The following PHGDH variants were observed in gnomAD, a reference collection of about 807,000 sequenced individuals.
PHGDH encodes the protein phosphoglycerate dehydrogenase, also known as D-3-phosphoglycerate dehydrogenase.
In PHGDH, 50 loss-of-function variants were observed where a neutral mutation model predicts 52.6. The observed-to-expected ratio is 0.95, with a 90% CI of 0.76 to 1.20. The LOEUF is 1.20. PHGDH is among the 50% of genes most tolerant of loss of function. The pLI is 0.00. For synonymous variants in PHGDH, 271 were observed against 280.5 expected (o/e 0.97, Z 0.34); for missense variants, 630 against 684.6 (o/e 0.92, Z 0.89).
chr1:119,741,244 C>T (rs1295906657), intron 9 of PHGDH, among the ~76,000 whole-genome samples: 2 of 152,128 alleles, frequency 1.3e-5, no homozygotes, highest in Non-Finnish European at 2.9e-5. Context: ...GCAGAGATTG[C>T]AGGGAGAGGG....
intron 5 of PHGDH, chr1:119,734,255 C>T: frequency 8.6e-6 from 3 of 347,728 alleles, no homozygotes; most frequent in South Asian, 7.0e-5. Context: ...TCCACCTTGT[C>T]CAGACCTATA....
At chr1:119,722,564 C>T (rs1387519341) in intron 2 of PHGDH, among the ~76,000 whole-genome samples, 1 of 151,872 alleles carries the variant, frequency 6.6e-6, no homozygotes, top group Admixed American at 6.6e-5. Flanking sequence ...GAAGAGTAGT[C>T]AGACAGGTGG....
intron 2 of PHGDH, among the ~76,000 whole-genome samples, chr1:119,722,134 A>G (rs1651196535): frequency 6.6e-6 from 1 of 152,224 alleles, no homozygotes; most frequent in African/African-American, 2.4e-5. Flanking sequence ...CAGAAATGTT[A>G]AACGATAACC....
At chr1:119,712,808 T>C (rs587670719) in intron 1 of PHGDH, among the ~76,000 whole-genome samples, 53 of 152,290 alleles carry the variant, frequency 3.5e-4, no homozygotes, top group African/African-American at 1.3e-3. Context: ...GATGCAAGAC[T>C]GCTCCGTGCT....
At chr1:119,742,254 C>T (rs964935305) in intron 10 of PHGDH, 5 of 383,044 alleles carry the variant, frequency 1.3e-5, no homozygotes, top group East Asian at 6.3e-5. Context: ...CCGTAGCACC[C>T]GGGTTCTTGA....
intron 1 of PHGDH, 49 bp downstream of exon 1, chr1:119,712,209 A>G: frequency 6.3e-7 from 1 of 1,579,232 alleles, no homozygotes; most frequent in South Asian, 1.1e-5. Context: ...CCTCCATGGA[A>G]AAAGGCTGGC....
Position 119,740,455 on chromosome 1 carries a change from C to A in PHGDH, c.1015C>A (p.Leu339Met). The A allele has an allele frequency of 6.2e-7, 1 of 1,611,818 alleles. No homozygotes were observed. The highest frequency in any genetic ancestry group is 1.1e-5 in the South Asian group (1 of 90,380). The change falls in exon 9 of 12, where the codon CTG becomes ATG. Residue 339 changes from leucine to methionine, a missense_variant. Leu to Met is a conservative substitution (Grantham distance 15, BLOSUM62 2). Coordinates refer to ENST00000641023, the MANE Select transcript of PHGDH (RefSeq NM_006623.4). ...GCCTTGGATTGGTCTGGCAGAAGCT[C>A]TGGGGACACTGATGCGAGCCTGGGC... ...TKPWIGLAEA[L>M]GTLMRAWAGS... is the part of the protein sequence containing the mutation.
At chr1:119,724,891 G>A (rs971647844) in intron 3 of PHGDH, 8 of 456,482 alleles carry the variant, frequency 1.8e-5, no homozygotes, top group Non-Finnish European at 3.1e-5. Context: ...TCAAAACTAG[G>A]AAACACGCAC....
chr1:119,714,089 G>A (rs587626905), intron 1 of PHGDH, among the ~76,000 whole-genome samples: 1 of 152,272 alleles, frequency 6.6e-6, no homozygotes, highest in South Asian at 2.1e-4. Flanking sequence ...CAGCTTTCTT[G>A]TCTGTCTTTG....
intron 2 of PHGDH, 154 bp downstream of exon 2, chr1:119,721,475 C>A: frequency 1.4e-6 from 1 of 691,830 alleles, no homozygotes; most frequent in Non-Finnish European, 2.4e-6. Context: ...GGTCAACACA[C>A]ACAGCATAGT....
In PHGDH at chr1:119,734,644, A is replaced by T; in HGVS notation, c.521A>T (p.Tyr174Phe). The T allele has an allele frequency of 6.2e-7, 1 of 1,614,144 alleles. No individual in the cohort carries two copies. The highest frequency in any genetic ancestry group is 2.2e-5 in the East Asian group (1 of 44,890). The change falls in exon 6 of 12, where the codon TAT (tyrosine) becomes TTT (phenylalanine). Residue 174 changes from tyrosine (Y) to phenylalanine (F), a missense_variant. Transcript: ENST00000641023. Reference sequence around the variant, plus strand: ...CTTGCTTCCAACCAGACTATAGGGTATGACCCCATCATTTCCCCAGAGGTC... The same window carrying T: ...CTTGCTTCCAACCAGACTATAGGGTTTGACCCCATCATTTCCCCAGAGGTC... ...MQSFGMKTIG[Y>F]DPIISPEVSA...
chr1:119,719,427 C>G (rs1374033104), intron 1 of PHGDH, among the ~76,000 whole-genome samples: 1 of 152,148 alleles, frequency 6.6e-6, no homozygotes, highest in Non-Finnish European at 1.5e-5. Flanking sequence ...CTTCAAATCT[C>G]CCACTCTGAC....
rs1359915168 is a variant in PHGDH at position 119,735,345 on chromosome 1, G to A, written c.694G>A (p.Val232Met). The A allele has an allele frequency of 6.2e-7, 1 of 1,614,218 alleles. No homozygotes were observed. Among genetic ancestry groups the A allele is most frequent in the Admixed American group, 1.7e-5 (1 of 60,030 alleles). Residue 232 changes from valine (V) to methionine (M), a missense_variant, in exon 7 of 12, where the codon GTG (valine) becomes ATG (methionine). Coordinates refer to ENST00000641023, the MANE Select transcript of PHGDH (RefSeq NM_006623.4). Reference protein sequence around the residue: ...FAQCKKGVRVVNCARGGIVDE... With the variant: ...FAQCKKGVRVMNCARGGIVDE... ...CCAGTGCAAGAAGGGGGTGCGTGTG[G>A]TGAACTGTGCCCGTGGAGGGATCGT...
Position 119,741,805 on chromosome 1 carries a change from G to T in PHGDH, c.1117G>T (p.Ala373Ser), listed in dbSNP as rs201553627. Reference protein sequence around the residue: ...LKNAGNCLSPAVIVGLLKEAS... With the variant: ...LKNAGNCLSPSVIVGLLKEAS... ...GAATGCTGGGAACTGCCTAAGCCCCGCAGTCATTGTCGGCCTCCTGAAAGA... is the reference window on the plus strand; with the variant it reads ...GAATGCTGGGAACTGCCTAAGCCCCTCAGTCATTGTCGGCCTCCTGAAAGA... Residue 373 changes from alanine (A) to serine (S), a missense_variant, in exon 10 of 12, where the codon GCA becomes TCA. By Grantham distance (99) the Ala-to-Ser change is moderately conservative (BLOSUM62 1). Transcript: ENST00000641023. 139 of 1,612,906 alleles carry T rather than the reference G, an allele frequency of 8.6e-5. 1 individual carries two copies. The highest frequency in any genetic ancestry group is 1.1e-4 in the Non-Finnish European group (134 of 1,178,904).
intron 1 of PHGDH, chr1:119,715,741 A>G (rs1440069584): frequency 6.6e-6 from 1 of 152,236 alleles, no homozygotes; most frequent in African/African-American, 2.4e-5. Flanking sequence ...ACTTGTAGGA[A>G]GTGTGGGAAG....
chr1:119,742,651 C>G (rs1163335183), intron 10 of PHGDH, 156 bp from the exon 11 acceptor site: 1 of 672,628 alleles, frequency 1.5e-6, no homozygotes, highest in Non-Finnish European at 2.7e-6. Flanking sequence ...GGGCACACAG[C>G]TTGGCCCATT....
chr1:119,727,659 C>T (rs1478578583), intron 5 of PHGDH: 1 of 142,168 alleles, frequency 7.0e-6, no homozygotes, highest in Non-Finnish European at 1.5e-5. Context: ...GAAACCGCAT[C>T]GCTACTAAAA....
At chr1:119,712,238 C>A in intron 1 of PHGDH, 78 bp downstream of exon 1, 7 of 1,368,470 alleles carry the variant, frequency 5.1e-6, no homozygotes, top group Non-Finnish European at 7.2e-6. Flanking sequence ...GGCCAGCGCG[C>A]CCCCCTCGCA....
At chr1:119,730,546 A>G (rs1203741670) in intron 5 of PHGDH, among the ~76,000 whole-genome samples, 3 of 152,230 alleles carry the variant, frequency 2.0e-5, no homozygotes, top group Non-Finnish European at 2.9e-5. Context: ...GGCTGCAAAC[A>G]ATAGAATATT....
Sources: allele counts gnomAD v4.1 joint callset (sites outside exome capture counted in the v4.1 genomes callset), GRCh38; gene constraint gnomAD v4.1.1; transcripts MANE v1.5; gene names NCBI Gene and HGNC (gene_info 2026-07-23, HGNC 2026-07-21).